FAM91A1: variants seen among roughly 807,000 people sequenced by gnomAD.
FAM91A1 encodes protein FAM91A1.
A neutral mutation model predicts 113.5 loss-of-function variants in FAM91A1; 41 were observed. The observed-to-expected ratio is 0.36, with a 90% CI of 0.28 to 0.47. The LOEUF (loss-of-function observed/expected upper bound fraction) is 0.47, where lower values mean the gene tolerates loss of function less well. Ranked by LOEUF, FAM91A1 falls within the 20% of genes least tolerant of loss-of-function variation. FAM91A1 has a pLI of 1.00. For missense variants in FAM91A1, 696 were observed against 1,001.2 expected (o/e 0.70, Z 4.11); for synonymous variants, 307 against 347.9 (o/e 0.88, Z 1.31).
chr8:123,771,262 T>A (rs543179818), intron 1 of FAM91A1, among the ~76,000 whole-genome samples: 1 of 152,340 alleles, frequency 6.6e-6, no homozygotes, highest in South Asian at 2.1e-4. Flanking sequence ...TTTTGTCCCA[T>A]GAGCACCTCT....
In FAM91A1 at chr8:123,806,557, A is replaced by G. The variant is rs1279290685; in HGVS notation, c.2032+328A>G. On this transcript the variant is annotated intron_variant, in intron 20 of 23. Transcript: ENST00000334705. ...CTTTATACAAGTGTTTCCAAAATTG[A>G]CTTAATAGTTTTTCCCTTTCAACTT... is the stretch of plus-strand genomic sequence containing the variant. Among the ~76,000 whole-genome samples the G allele has an allele frequency of 2.0e-5, 3 of 152,160 alleles. No individual in the cohort carries two copies. In the East Asian group the frequency reaches 5.8e-4, roughly 29 times the overall value.
rs372450185 is a variant in FAM91A1, at chr8:123,768,778, C to A, written c.72+4C>A. On this transcript the variant is annotated splice_donor_region_variant and intron_variant, in intron 1 of 23. Transcript: ENST00000334705. Reference sequence around the variant, plus strand: ...GTTGCCGGCCAACGTGAGACAGGTACGGCCGGAACCTGGGACCGGGCCCCT... The same window carrying A: ...GTTGCCGGCCAACGTGAGACAGGTAAGGCCGGAACCTGGGACCGGGCCCCT... 4.3e-6 allele frequency: 7 copies of A among 1,610,582 alleles called. No homozygotes were observed. The highest frequency in any genetic ancestry group is 5.1e-6 in the Non-Finnish European group (6 of 1,178,390).
intron 20 of FAM91A1, among the ~76,000 whole-genome samples, chr8:123,806,758 G>T (rs1815822377): frequency 6.6e-6 from 1 of 151,938 alleles, no homozygotes; most frequent in Admixed American, 6.6e-5. Flanking sequence ...CTCTGTGACT[G>T]CTCTTCTTGT....
intron 15 of FAM91A1, among the ~76,000 whole-genome samples, chr8:123,796,199 C>T (rs576938039): frequency 6.6e-6 from 1 of 152,268 alleles, no homozygotes; most frequent in South Asian, 2.1e-4. Flanking sequence ...GCTTTTTACA[C>T]ACAGTAGTCT....
At chr8:123,799,682 T>C in intron 17 of FAM91A1, 28 bp downstream of exon 17, 11 of 1,612,926 alleles carry the variant, frequency 6.8e-6, no homozygotes, top group Non-Finnish European at 9.3e-6. Flanking sequence ...GGGTGGTTTT[T>C]TTATGTGTGT....
At chr8:123,786,631 A>G in intron 12 of FAM91A1, 21 bp downstream of exon 12, 1 of 1,568,680 alleles carries the variant, frequency 6.4e-7, no homozygotes, top group Non-Finnish European at 8.8e-7. Context: ...ACTCAGTTTA[A>G]CATAGAGTCT....
intron 15 of FAM91A1, among the ~76,000 whole-genome samples, chr8:123,790,299 G>C (rs1815353046): frequency 6.6e-6 from 1 of 152,228 alleles, no homozygotes; most frequent in Non-Finnish European, 1.5e-5. Context: ...TTTTGTGATA[G>C]TTGGGGGTTC....
chr8:123,807,397 C>T (rs1815837085), intron 20 of FAM91A1, among the ~76,000 whole-genome samples: 2 of 150,376 alleles, frequency 1.3e-5, no homozygotes, highest in South Asian at 4.2e-4. Context: ...TAATTCCAGT[C>T]CTCTGGGAGG....
rs1816023719 is a variant in FAM91A1 at position 123,814,375 on chromosome 8, C to A, written c.*1671C>A. ...TTTTTTGATCGGGGCTCTTTAATCT[C>A]ATTTTAATTTCCTTTGTTTGAACTG... is the stretch of plus-strand genomic sequence containing the variant. On this transcript the variant is annotated 3_prime_UTR_variant, in exon 24 of 24. Coordinates refer to ENST00000334705, the MANE Select transcript of FAM91A1 (RefSeq NM_144963.4). The A allele has an allele frequency of 9.7e-6, 2 of 206,734 alleles. No individual in the cohort carries two copies. The highest frequency in any genetic ancestry group is 1.3e-4 in the South Asian group (2 of 15,134). 12.8% of individuals were successfully genotyped at this position (206,734 alleles called of 1,614,324 possible).
chr8:123,807,518 A>G (rs73337441), intron 20 of FAM91A1, among the ~76,000 whole-genome samples: 2,609 of 151,758 alleles, frequency 0.017, 71 homozygotes, highest in African/African-American at 0.059. Flanking sequence ...AAAAAAGACA[A>G]TGTTGTTCCA....
chr8:123,797,174 A>T (rs1324932074), intron 15 of FAM91A1, among the ~76,000 whole-genome samples: 1 of 152,210 alleles, frequency 6.6e-6, no homozygotes, highest in Non-Finnish European at 1.5e-5. Context: ...TGAGGAAGAC[A>T]TAGAAAAAGC....
At chr8:123,779,582 AG>A (rs910194421) in intron 6 of FAM91A1, among the ~76,000 whole-genome samples, 1 of 152,230 alleles carries the variant, frequency 6.6e-6, no homozygotes, top group African/African-American at 2.4e-5. Context: ...TTCAGTCTAA[AG>A]TACCTCTTAA....
Position 123,809,032 on chromosome 8 carries a change from C to A in FAM91A1, c.2261+16C>A. ...GAAAAGAGAGGTGAGGGTTTATATTCGCTGTCATATTTTCATATCAATTTT... is the reference window on the plus strand; with the variant it reads ...GAAAAGAGAGGTGAGGGTTTATATTAGCTGTCATATTTTCATATCAATTTT... On this transcript the variant is annotated intron_variant, in intron 22 of 23. Transcript: ENST00000334705. 1 of 1,607,024 alleles carries A rather than the reference C, an allele frequency of 6.2e-7. No individual in the cohort carries two copies. The highest frequency in any genetic ancestry group is 1.1e-5 in the South Asian group (1 of 90,228).
chr8:123,808,963 A>G lies in FAM91A1; in HGVS notation c.2208A>G (p.Leu736=). The part of the protein sequence containing the change: ...CFGIPLFSSE[L]NRKVCRKIAA... ...GAATTCCACTGTTCAGTTCCGAATTAAACCGGAAAGTTTGTAGGAAAATTG... is the reference window on the plus strand; with the variant it reads ...GAATTCCACTGTTCAGTTCCGAATTGAACCGGAAAGTTTGTAGGAAAATTG... Residue 736 remains leucine, a synonymous_variant, in exon 22 of 24, where the codon TTA becomes TTG. Transcript: ENST00000334705. 1 of 1,613,212 alleles carries G rather than the reference A, an allele frequency of 6.2e-7. No homozygotes were observed. The highest frequency in any genetic ancestry group is 2.2e-5 in the East Asian group (1 of 44,854).
intron 8 of FAM91A1, among the ~76,000 whole-genome samples, chr8:123,781,861 G>A (rs113944756): frequency 5.3e-5 from 8 of 152,122 alleles, no homozygotes; most frequent in South Asian, 4.1e-4. Context: ...AGTTGATGCC[G>A]TAACAAAATA....
chr8:123,808,117 C>T (rs1815856285), intron 20 of FAM91A1, among the ~76,000 whole-genome samples, 155 bp from the exon 21 acceptor site: 1 of 152,132 alleles, frequency 6.6e-6, no homozygotes, highest in South Asian at 2.1e-4. Flanking sequence ...AAAATTGCTC[C>T]CCTGTTTAAA....
intron 15 of FAM91A1, among the ~76,000 whole-genome samples, chr8:123,790,356 G>T (rs1040956797): frequency 3.3e-5 from 5 of 152,082 alleles, no homozygotes; most frequent in Non-Finnish European, 7.4e-5. Flanking sequence ...ACCCAGATGG[G>T]GATTTGGATT....
rs1815988156 is a variant in FAM91A1, at chr8:123,812,687, A to C, written c.2500A>C (p.Asn834His). The C allele has an allele frequency of 6.3e-7, 1 of 1,580,002 alleles. No individual in the cohort carries two copies. Among genetic ancestry groups the C allele is most frequent in the South Asian group, 1.2e-5 (1 of 84,546 alleles). The stretch of plus-strand genomic sequence containing the variant: ...GTCACCTTCCTCACTTCTTATTGCT[A>C]ATCTCCATTTGCAATAATTTGGTTA... ...GRSPSSLLIA[N>H]LHLQ Residue 834 changes from asparagine (N) to histidine (H), a missense_variant, in exon 24 of 24, where the codon AAT (asparagine) becomes CAT (histidine). Physicochemically the swap from Asn to His is moderately conservative, Grantham distance 68. Coordinates refer to ENST00000334705, the MANE Select transcript of FAM91A1 (RefSeq NM_144963.4).
At chr8:123,792,668 A>G (rs1815412398) in intron 15 of FAM91A1, among the ~76,000 whole-genome samples, 1 of 152,190 alleles carries the variant, frequency 6.6e-6, no homozygotes, top group African/African-American at 2.4e-5. Flanking sequence ...TAGACTTCCT[A>G]CTTTCCCTGT....
Sources: allele counts gnomAD v4.1 joint callset (sites outside exome capture counted in the v4.1 genomes callset), GRCh38; gene constraint gnomAD v4.1.1; transcripts MANE v1.5; gene names NCBI Gene and HGNC (gene_info 2026-07-23, HGNC 2026-07-21).